DPYSL5: variants seen among roughly 807,000 people sequenced by gnomAD.
DPYSL5 encodes the protein dihydropyrimidinase-related protein 5.
Under a neutral mutation model 58.4 loss-of-function variants are expected in DPYSL5, and 9 were observed. The ratio of observed to expected loss-of-function variants is 0.15; its 90% CI spans 0.09 to 0.27. The LOEUF (loss-of-function observed/expected upper bound fraction) is 0.27, where lower values mean the gene tolerates loss of function less well. Among genes scored for constraint, DPYSL5 ranks in the 10% least tolerant of loss-of-function variants. The pLI is 1.00. For missense variants in DPYSL5, 499 were observed against 770.6 expected (o/e 0.65, Z 4.17); for synonymous variants, 293 against 301.9 (o/e 0.97, Z 0.31).
chr2:26,848,692 G>C (rs1264738868), intron 1 of DPYSL5, among the ~76,000 whole-genome samples: 1 of 152,012 alleles, frequency 6.6e-6, no homozygotes, highest in African/African-American at 2.4e-5. Context: ...CGCTGTCCCC[G>C]GTCCCACACA....
At chr2:26,850,659 A>G (rs1305867476) in intron 1 of DPYSL5, among the ~76,000 whole-genome samples, 1 of 152,198 alleles carries the variant, frequency 6.6e-6, no homozygotes, top group Non-Finnish European at 1.5e-5. Context: ...TGGTTCTCTT[A>G]ACCCAGCCTT....
intron 1 of DPYSL5, among the ~76,000 whole-genome samples, chr2:26,897,717 A>G (rs149834774): frequency 5.3e-5 from 8 of 152,280 alleles, no homozygotes; most frequent in Non-Finnish European, 7.4e-5. Flanking sequence ...TTTCTGGATG[A>G]GGTCAGTATT....
At position 26,934,869 on chromosome 2, in the gene DPYSL5, T is replaced by C. The variant is rs1665132194; in HGVS notation, c.947+135T>C. 4.9e-6 allele frequency: 6 copies of C among 1,213,556 alleles called. No homozygotes were observed. Among genetic ancestry groups the C allele is most frequent in the Middle Eastern group, 2.0e-4 (1 of 4,884 alleles). The allele number at this position is 1,213,556 out of a possible 1,614,324, so 75.2% of individuals were successfully genotyped here. A position where few individuals can be genotyped will look rare whatever the true frequency, so the allele number is the denominator to read the frequency against. On this transcript the variant is annotated intron_variant, in intron 8 of 12. Coordinates refer to ENST00000288699, the MANE Select transcript of DPYSL5 (RefSeq NM_020134.4). The surrounding 1 kb of genome is among the most constrained non-coding windows in gnomAD (Gnocchi z 4.3). ...ATCATTGTGCTTTTCTTACCTTCTC[T>C]GAGCCCATCAGATAATTGCCATCCT...
chr2:26,922,706 AAAGC>A (rs1664733671), intron 2 of DPYSL5, among the ~76,000 whole-genome samples: 2 of 152,232 alleles, frequency 1.3e-5, no homozygotes, highest in Admixed American at 1.3e-4. Context: ...TGCACATGTA[AAAGC>A]AAGAGATGCA....
intron 1 of DPYSL5, among the ~76,000 whole-genome samples, chr2:26,869,602 T>C (rs1663204924): frequency 6.6e-6 from 1 of 152,220 alleles, no homozygotes; most frequent in Non-Finnish European, 1.5e-5. Flanking sequence ...GAATAGAACA[T>C]TTTTTCCTCC....
chr2:26,942,481 T>G lies in DPYSL5; in HGVS notation c.1233-62T>G. 1.7e-4 allele frequency: 256 copies of G among 1,516,482 alleles called. No homozygotes were observed. Among genetic ancestry groups the G allele is most frequent in the Non-Finnish European group, 2.1e-4 (236 of 1,111,244 alleles). 93.9% of individuals were successfully genotyped at this position (1,516,482 alleles called of 1,614,324 possible). ...CAGCCTTTGGGGCTCACCCCTCCCA[T>G]GGAGCTGTGACATTTTGACCTGTCC... On this transcript the variant is annotated intron_variant, in intron 10 of 12. Coordinates refer to ENST00000288699, the MANE Select transcript of DPYSL5 (RefSeq NM_020134.4). This position sits in a 1 kb window ranked among gnomAD's most constrained non-coding sequence, Gnocchi z 5.9.
In DPYSL5 at chr2:26,944,868, A is replaced by T. The variant is rs1188514714; in HGVS notation, c.1609+44A>T. 1 of 1,594,976 alleles carries T rather than the reference A, an allele frequency of 6.3e-7. No homozygotes were observed. The highest frequency in any genetic ancestry group is 1.1e-5 in the South Asian group (1 of 89,946). ...CGGGAGGAGGATGGGGGTCTGGGAG[A>T]AGTGGCCCACCTAGGCAGTGGGACT... On this transcript the variant is annotated intron_variant, in intron 12 of 12. Coordinates refer to ENST00000288699, the MANE Select transcript of DPYSL5 (RefSeq NM_020134.4). This position sits in a 1 kb window ranked among gnomAD's most constrained non-coding sequence, Gnocchi z 4.4.
At chr2:26,862,344 A>C (rs1423549876) in intron 1 of DPYSL5, among the ~76,000 whole-genome samples, 3 of 152,334 alleles carry the variant, frequency 2.0e-5, no homozygotes, top group Middle Eastern at 3.4e-3. Flanking sequence ...TCTTTTCGTG[A>C]ATGTATCTCA....
rs545915812 is a variant in DPYSL5, at chr2:26,900,672, G to A, written c.261+1912G>A. ...ATAGGTAATGCCAAATAGTTTTCCA[G>A]ACTGGTTGTAACAATTTATGCTCCC... On this transcript the variant is annotated intron_variant, in intron 2 of 12. Coordinates refer to ENST00000288699, the MANE Select transcript of DPYSL5 (RefSeq NM_020134.4). 1.8e-3 allele frequency among the ~76,000 whole-genome samples: 277 copies of A among 152,316 alleles called. 1 individual carries two copies. Among genetic ancestry groups the A allele is most frequent in the Non-Finnish European group, 3.1e-3 (210 of 68,026 alleles).
intron 1 of DPYSL5, among the ~76,000 whole-genome samples, chr2:26,876,256 G>C (rs990416731): frequency 6.6e-6 from 1 of 152,222 alleles, no homozygotes; most frequent in South Asian, 2.1e-4. Flanking sequence ...ATGGAGGAAG[G>C]GGGCCATTGA....
chr2:26,889,981 G>T (rs1386314315), intron 1 of DPYSL5, among the ~76,000 whole-genome samples: 1 of 152,220 alleles, frequency 6.6e-6, no homozygotes, highest in Non-Finnish European at 1.5e-5. Context: ...ACAGTCCACA[G>T]CGAGGCGGGA....
intron 4 of DPYSL5, 44 bp from the exon 5 acceptor site, chr2:26,928,211 G>A (rs769586592): frequency 1.3e-6 from 2 of 1,598,374 alleles, no homozygotes; most frequent in South Asian, 1.1e-5. Flanking sequence ...CTTACACGGT[G>A]TCTCTGTGAT....
chr2:26,875,705 G>T (rs754861687), intron 1 of DPYSL5, among the ~76,000 whole-genome samples: 9 of 152,190 alleles, frequency 5.9e-5, no homozygotes, highest in Non-Finnish European at 1.2e-4. Flanking sequence ...TGGTGGCTGG[G>T]GGTGGGAAAG....
In DPYSL5 at chr2:26,933,874, C is replaced by T. The variant is rs146367034; in HGVS notation, c.790+541C>T. 1.6e-3 allele frequency among the ~76,000 whole-genome samples: 247 copies of T among 152,264 alleles called. No individual in the cohort carries two copies. The highest frequency in any genetic ancestry group is 5.8e-3 in the African/African-American group (241 of 41,544). On this transcript the variant is annotated intron_variant, in intron 7 of 12. Transcript: ENST00000288699. The surrounding 1 kb of genome is among the most constrained non-coding windows in gnomAD (Gnocchi z 4.2). ...CTTGCAGATGCTTGGAGTCCAGCCC[C>T]GCCCCAGGTGCTGGTGAGGGCCTGG...
At chr2:26,932,203 GAAAGAAAAGAAA>G (rs1665045420) in intron 6 of DPYSL5, among the ~76,000 whole-genome samples, 2 of 61,028 alleles carry the variant, frequency 3.3e-5, no homozygotes, top group South Asian at 5.8e-4. Flanking sequence ...AAGAAAGAAA[GAAAGAAAAGAAA>G]GAAAGAAAGA....
chr2:26,917,674 A>G (rs1011422455), intron 2 of DPYSL5, among the ~76,000 whole-genome samples: 1 of 152,208 alleles, frequency 6.6e-6, no homozygotes, highest in Non-Finnish European at 1.5e-5. Flanking sequence ...TGAGTTGACA[A>G]TGAAGCCCAG....
At chr2:26,919,848 T>C (rs946949144) in intron 2 of DPYSL5, among the ~76,000 whole-genome samples, 3 of 152,160 alleles carry the variant, frequency 2.0e-5, no homozygotes, top group African/African-American at 4.8e-5. Flanking sequence ...CTGTGTGAAG[T>C]TGTAAATGTC....
chr2:26,857,266 G>A (rs6753540), intron 1 of DPYSL5, among the ~76,000 whole-genome samples: 59,949 of 152,020 alleles, frequency 0.39, 12,128 homozygotes, highest in Admixed American at 0.48. Context: ...GCCAGGCGTG[G>A]TGGCTCACGC....
intron 1 of DPYSL5, among the ~76,000 whole-genome samples, chr2:26,881,610 C>T (rs547421492): frequency 6.6e-6 from 1 of 152,284 alleles, no homozygotes; most frequent in South Asian, 2.1e-4. Context: ...AGGAGGAAGG[C>T]TGCTTTTGAT....
Sources: gnomAD v4.1 joint callset for allele counts (sites outside exome capture counted in the v4.1 genomes callset) on GRCh38, gnomAD v4.1.1 for gene constraint, Gnocchi (gnomAD v3.1) non-coding constraint, MANE v1.5 for transcripts, NCBI Gene and HGNC (gene_info 2026-07-23, HGNC 2026-07-21) for gene names.